The following BORCS5 variants were observed in gnomAD, a reference collection of about 807,000 sequenced individuals.
BORCS5 encodes BLOC-1 related complex subunit 5, also known as BLOC-1-related complex subunit 5.
A neutral mutation model predicts 22.1 loss-of-function variants in BORCS5; 17 were observed. The ratio of observed to expected loss-of-function variants is 0.77; its 90% CI spans 0.53 to 1.15. The LOEUF (loss-of-function observed/expected upper bound fraction) is 1.15. Ranked by LOEUF, BORCS5 falls within the 50% of genes most tolerant of loss-of-function variation. The pLI, the probability that BORCS5 is intolerant of heterozygous loss-of-function variation, is 0.00. For missense variants in BORCS5, 247 were observed against 253.2 expected (o/e 0.98, Z 0.17); for synonymous variants, 117 against 99.8 (o/e 1.17, Z -1.03).
rs1943241487 is a variant in BORCS5, at chr12:12,468,825, G to T, written c.*3049G>T. 6.6e-6 allele frequency: 1 copy of T among 152,306 alleles called. No individual in the cohort carries two copies. The highest frequency in any genetic ancestry group is 2.1e-4 in the South Asian group (1 of 4,832). 9.4% of individuals were successfully genotyped at this position (152,306 alleles called of 1,614,324 possible). A position where few individuals can be genotyped will look rare whatever the true frequency, so the allele number is the denominator to read the frequency against. On this transcript the variant is annotated 3_prime_UTR_variant, in exon 4 of 4. Coordinates refer to ENST00000314565, the MANE Select transcript of BORCS5 (RefSeq NM_058169.6). ...CTGGTTTCCCTGGTCAAAGTGGAAGGTTGGTAGAAACTGGCCTTCATGTCT... is the reference window on the plus strand; with the variant it reads ...CTGGTTTCCCTGGTCAAAGTGGAAGTTTGGTAGAAACTGGCCTTCATGTCT...
chr12:12,440,779 G>A (rs1942667669), intron 3 of BORCS5, among the ~76,000 whole-genome samples: 1 of 152,198 alleles, frequency 6.6e-6, no homozygotes, highest in Non-Finnish European at 1.5e-5. Context: ...AAGAACCACA[G>A]AATGTTGGAA....
At position 12,357,276 on chromosome 12, in the gene BORCS5, C is replaced by T; in HGVS notation, c.-176C>T. ...TCCCCAAATAGGGCCTCTCCTTCTC[C>T]CGCCGCCCAGGCCCCTGCGTGGGCT... On this transcript the variant is annotated 5_prime_UTR_variant, in exon 1 of 4. Transcript: ENST00000314565. 1 of 1,457,954 alleles carries T rather than the reference C, an allele frequency of 6.9e-7. No homozygotes were observed. Among genetic ancestry groups the T allele is most frequent in the Non-Finnish European group, 9.0e-7 (1 of 1,106,300 alleles). The allele number at this position is 1,457,954 out of a possible 1,614,324, so 90.3% of individuals were successfully genotyped here. A position where few individuals can be genotyped will look rare whatever the true frequency, so the allele number is the denominator to read the frequency against.
intron 2 of BORCS5, among the ~76,000 whole-genome samples, chr12:12,397,667 G>GT (rs1306711255): frequency 6.6e-6 from 1 of 152,174 alleles, no homozygotes; most frequent in Non-Finnish European, 1.5e-5. Flanking sequence ...ACCACCGCCA[G>GT]TTTTTTCAGT....
chr12:12,460,347 G>C (rs1370346883), intron 3 of BORCS5, among the ~76,000 whole-genome samples: 1 of 152,178 alleles, frequency 6.6e-6, no homozygotes, highest in Non-Finnish European at 1.5e-5. Context: ...TCTGTATGCT[G>C]ACCATGTATC....
chr12:12,452,481 C>T (rs567239178), intron 3 of BORCS5: 4 of 479,994 alleles, frequency 8.3e-6, no homozygotes, highest in East Asian at 1.2e-4. Context: ...TCGCCTTGAT[C>T]GTGGCTGGGT....
chr12:12,459,238 A>ATCAATTT (rs1265768978), intron 3 of BORCS5, among the ~76,000 whole-genome samples: 3 of 151,996 alleles, frequency 2.0e-5, no homozygotes, highest in Admixed American at 1.3e-4. Context: ...TTTGATGAAA[A>ATCAATTT]TCAATTTAAC....
intron 3 of BORCS5, among the ~76,000 whole-genome samples, chr12:12,447,817 T>A (rs1209254418): frequency 6.6e-6 from 1 of 152,222 alleles, no homozygotes; most frequent in African/African-American, 2.4e-5. Flanking sequence ...TGTGTCACTT[T>A]GGTCACACAA....
intron 2 of BORCS5, among the ~76,000 whole-genome samples, chr12:12,395,919 G>A (rs928115146): frequency 2.0e-5 from 3 of 152,142 alleles, no homozygotes; most frequent in South Asian, 2.1e-4. Flanking sequence ...ATAAAAAGAC[G>A]GGGAAATAGC....
intron 2 of BORCS5, among the ~76,000 whole-genome samples, chr12:12,396,112 C>T (rs899037000): frequency 2.0e-5 from 3 of 152,018 alleles, no homozygotes; most frequent in Admixed American, 6.6e-5. Flanking sequence ...CTCAGCCTCC[C>T]GTGTAGCTGA....
intron 1 of BORCS5, among the ~76,000 whole-genome samples, chr12:12,359,023 C>T (rs1863214297): frequency 6.6e-6 from 1 of 152,172 alleles, no homozygotes; most frequent in African/African-American, 2.4e-5. Context: ...ATATTACCTT[C>T]TAGAGCATAA....
At chr12:12,457,831 C>T (rs1943026381) in intron 3 of BORCS5, among the ~76,000 whole-genome samples, 1 of 152,224 alleles carries the variant, frequency 6.6e-6, no homozygotes, top group Admixed American at 6.5e-5. Context: ...TCTGTTCTGC[C>T]ACTCCAGCTC....
At chr12:12,374,952 CA>C (rs112909758) in intron 2 of BORCS5, among the ~76,000 whole-genome samples, 25,289 of 106,244 alleles carry the variant, frequency 0.24, 4,505 homozygotes, top group African/African-American at 0.52. Context: ...GAGACTGTCT[CA>C]AAAAAAAAAA....
intron 3 of BORCS5, among the ~76,000 whole-genome samples, chr12:12,453,317 T>G (rs934998189): frequency 1.3e-5 from 2 of 152,232 alleles, no homozygotes; most frequent in African/African-American, 4.8e-5. Context: ...ATCTCACGCT[T>G]CCTTTTGGGG....
intron 2 of BORCS5, among the ~76,000 whole-genome samples, chr12:12,380,303 T>C (rs923240692): frequency 6.6e-6 from 1 of 150,930 alleles, no homozygotes; most frequent in African/African-American, 2.4e-5. Flanking sequence ...AAAAACACAG[T>C]ATCTGTGAAG....
intron 2 of BORCS5, among the ~76,000 whole-genome samples, chr12:12,423,690 C>G (rs368777607): frequency 1.4e-5 from 1 of 70,698 alleles, no homozygotes; most frequent in South Asian, 3.1e-4. Context: ...TTCTCGTTGT[C>G]TTTTTGTTTG....
intron 2 of BORCS5, among the ~76,000 whole-genome samples, chr12:12,388,608 A>C (rs1214961321): frequency 6.7e-6 from 1 of 150,210 alleles, no homozygotes; most frequent in Admixed American, 6.7e-5. Flanking sequence ...AAAAAGGGAA[A>C]ATAGGACAAG....
At chr12:12,363,908 AAT>A (rs200803022) in intron 2 of BORCS5, among the ~76,000 whole-genome samples, 5 of 150,332 alleles carry the variant, frequency 3.3e-5, no homozygotes, top group Non-Finnish European at 6.0e-5. Context: ...AAAAAAAAAA[AAT>A]ATCTGCATAT....
Position 12,467,888 on chromosome 12 carries a change from G to C in BORCS5, c.*2112G>C, listed in dbSNP as rs1319954849. The C allele has an allele frequency of 1.3e-5, 2 of 152,218 alleles. No individual in the cohort carries two copies. Among genetic ancestry groups the C allele is most frequent in the Non-Finnish European group, 2.9e-5 (2 of 68,082 alleles). 9.4% of individuals were successfully genotyped at this position (152,218 alleles called of 1,614,324 possible). A position where few individuals can be genotyped will look rare whatever the true frequency, so the allele number is the denominator to read the frequency against. On this transcript the variant is annotated 3_prime_UTR_variant, in exon 4 of 4. Transcript: ENST00000314565. ...TTACCATGGATCTCCTGCACTTGTGGTGTGGGCAGCCGCTGGGCCCACGGC... is the reference window on the plus strand; with the variant it reads ...TTACCATGGATCTCCTGCACTTGTGCTGTGGGCAGCCGCTGGGCCCACGGC...
At chr12:12,394,703 A>C (rs1218570955) in intron 2 of BORCS5, among the ~76,000 whole-genome samples, 1 of 151,936 alleles carries the variant, frequency 6.6e-6, no homozygotes, top group Non-Finnish European at 1.5e-5. Flanking sequence ...TATAGAAAAC[A>C]AACCTCATGG....
Sources: allele counts gnomAD v4.1 joint callset (sites outside exome capture counted in the v4.1 genomes callset), GRCh38; gene constraint gnomAD v4.1.1; transcripts MANE v1.5; gene names NCBI Gene and HGNC (gene_info 2026-07-23, HGNC 2026-07-21).